The following HAUS1 variants were observed in gnomAD, a reference collection of about 807,000 sequenced individuals.
The protein encoded by HAUS1 is HAUS augmin-like complex subunit 1.
A neutral mutation model predicts 38.6 loss-of-function variants in HAUS1; 25 were observed. That is an observed-to-expected ratio of 0.65 (90% CI 0.47 to 0.91). HAUS1 has a LOEUF of 0.91. Ranked by LOEUF, HAUS1 falls within the 40% of genes least tolerant of loss-of-function variation. HAUS1 has a pLI of 0.00. For missense variants in HAUS1, 325 were observed against 328.4 expected, an observed-to-expected ratio of 0.99 and a Z score of 0.08; for synonymous variants, 109 against 112.9, an observed-to-expected ratio of 0.97 and a Z score of 0.22.
At chr18:46,127,475 G>A (rs182416959) in intron 8 of HAUS1, among the ~76,000 whole-genome samples, 99 of 106,482 alleles carry the variant, frequency 9.3e-4, no homozygotes, top group Admixed American at 1.7e-3. Context: ...GGGAGGCCAA[G>A]TGGGTGGATC....
intron 1 of HAUS1, among the ~76,000 whole-genome samples, chr18:46,104,966 C>G (rs1911419017): frequency 6.6e-6 from 1 of 151,952 alleles, no homozygotes; most frequent in Non-Finnish European, 1.5e-5. Context: ...TGGAAAAGAA[C>G]GGATTGTTCT....
Position 46,122,607 on chromosome 18 carries a change from G to A in HAUS1, c.600+17G>A, listed in dbSNP as rs139389054. On this transcript the variant is annotated intron_variant, in intron 5 of 8. Transcript: ENST00000282058. The stretch of plus-strand genomic sequence containing the variant: ...GCTGCAGAGGTTTGTATGAAGGACC[G>A]AATATAGTTAGCTCTCTTCGGCCTG... The A allele has an allele frequency of 6.2e-5, 100 of 1,613,702 alleles. No homozygotes were observed. The highest frequency in any genetic ancestry group is 3.3e-4 in the Middle Eastern group (2 of 6,060).
At chr18:46,118,391 A>G in intron 3 of HAUS1, 75 bp downstream of exon 3, 2 of 1,415,640 alleles carry the variant, frequency 1.4e-6, no homozygotes, top group Non-Finnish European at 2.0e-6. Context: ...TTCTCAGCAT[A>G]ATTCTATATG....
intron 3 of HAUS1, among the ~76,000 whole-genome samples, 172 bp from the exon 4 acceptor site, chr18:46,119,754 G>A (rs144842063): frequency 3.3e-5 from 5 of 152,088 alleles, no homozygotes; most frequent in Non-Finnish European, 5.9e-5. Flanking sequence ...GAACTTTGCC[G>A]AATGAAGAAG....
chr18:46,128,152 C>T lies in HAUS1; in HGVS notation c.*27C>T. On this transcript the variant is annotated 3_prime_UTR_variant, in exon 9 of 9. Transcript: ENST00000282058. Reference sequence around the variant, plus strand: ...AAAAGCCAAATAAACATCCTTTTCCCTAACAAAGTAAATTGAATAGGACTT... The same window carrying T: ...AAAAGCCAAATAAACATCCTTTTCCTTAACAAAGTAAATTGAATAGGACTT... The T allele has an allele frequency of 6.7e-7, 1 of 1,490,260 alleles. No individual in the cohort carries two copies. Among genetic ancestry groups the T allele is most frequent in the East Asian group, 2.3e-5 (1 of 43,562 alleles). 92.3% of individuals were successfully genotyped at this position (1,490,260 alleles called of 1,614,324 possible).
chr18:46,124,759 G>A, intron 6 of HAUS1, 63 bp from the exon 7 acceptor site: 1 of 807,826 alleles, frequency 1.2e-6, no homozygotes, highest in Non-Finnish European at 2.1e-6. Flanking sequence ...TTTCAGAAAT[G>A]GACAGTATTA....
chr18:46,116,349 C>T (rs1437825396), intron 2 of HAUS1, among the ~76,000 whole-genome samples: 3 of 151,324 alleles, frequency 2.0e-5, no homozygotes, highest in Admixed American at 6.6e-5. Context: ...ACTGCTTGAG[C>T]CCAGGAGTTT....
chr18:46,122,639 T>A, intron 5 of HAUS1, 49 bp downstream of exon 5: 1 of 1,603,614 alleles, frequency 6.2e-7, no homozygotes, highest in South Asian at 1.1e-5. Context: ...CCTGATTTTT[T>A]ACCATCATCC....
chr18:46,105,784 T>C lies in HAUS1; in HGVS notation c.205+416T>C, dbSNP rs543594693. On this transcript the variant is annotated intron_variant, in intron 2 of 8. Coordinates refer to ENST00000282058, the MANE Select transcript of HAUS1 (RefSeq NM_138443.4). ...TTAGTAAAGACAGGGTTTCACAATA[T>C]TGGCCAGGCTGGTCTCGAACTCCTG... 9.6e-4 allele frequency among the ~76,000 whole-genome samples: 146 copies of C among 152,030 alleles called. 1 individual carries two copies. The highest frequency in any genetic ancestry group is 1.8e-3 in the Non-Finnish European group (121 of 68,028).
At chr18:46,115,202 G>A (rs1254798998) in intron 2 of HAUS1, 1 of 152,238 alleles carries the variant, frequency 6.6e-6, no homozygotes, top group Admixed American at 6.5e-5. Context: ...CAGGCACGGT[G>A]TAATCCCAGC....
At position 46,112,951 on chromosome 18, in the gene HAUS1, ATATATAATATG is replaced by A. The variant is rs1357762596; in HGVS notation, c.206-5223_206-5213del. On this transcript the variant is annotated intron_variant, in intron 2 of 8. Coordinates refer to ENST00000282058, the MANE Select transcript of HAUS1 (RefSeq NM_138443.4). The stretch of plus-strand genomic sequence containing the variant: ...ATATATTCCATATAATATATATAAT[ATATATAATATG>A]TATATATTCCATATTATATATATAA... Among the ~76,000 whole-genome samples, 41 of 110,926 alleles carry A rather than the reference ATATATAATATG, an allele frequency of 3.7e-4. 3 individuals are homozygous for A. The highest frequency in any genetic ancestry group is 1.6e-3 in the African/African-American group (41 of 25,012). 72.8% of individuals were successfully genotyped at this position (110,926 alleles called of 152,430 possible). A position where few individuals can be genotyped will look rare whatever the true frequency, so the allele number is the denominator to read the frequency against.
At chr18:46,107,664 C>T (rs143955201) in intron 2 of HAUS1, among the ~76,000 whole-genome samples, 1 of 152,260 alleles carries the variant, frequency 6.6e-6, no homozygotes, top group East Asian at 1.9e-4. Flanking sequence ...CCTCCATTTG[C>T]GATTCTAAAA....
rs751752301 is a variant in HAUS1 at position 46,105,207 on chromosome 18, T to TA, written c.52dup (p.Ile18AsnfsTer11). ...TTTAATGGTTAGGTTGCTGCGTGGT[T>TA]AAAAAAAATATTTGGAGATCATCCT... is the stretch of plus-strand genomic sequence containing the variant. On this transcript the variant is annotated frameshift_variant, in exon 2 of 9. Coordinates refer to ENST00000282058, the MANE Select transcript of HAUS1 (RefSeq NM_138443.4). LOFTEE classifies it high-confidence loss of function. The TA allele has an allele frequency of 9.3e-6, 15 of 1,604,906 alleles. No homozygotes were observed. The highest frequency in any genetic ancestry group is 3.3e-5 in the South Asian group (3 of 90,010).
In HAUS1 at chr18:46,128,141, C is replaced by T. The variant is rs1355721714; in HGVS notation, c.*16C>T. Reference sequence around the variant, plus strand: ...GGAACTGTGACAAAAGCCAAATAAACATCCTTTTCCCTAACAAAGTAAATT... The same window carrying T: ...GGAACTGTGACAAAAGCCAAATAAATATCCTTTTCCCTAACAAAGTAAATT... On this transcript the variant is annotated 3_prime_UTR_variant, in exon 9 of 9. Coordinates refer to ENST00000282058, the MANE Select transcript of HAUS1 (RefSeq NM_138443.4). The T allele has an allele frequency of 6.5e-7, 1 of 1,543,840 alleles. No homozygotes were observed. The highest frequency in any genetic ancestry group is 1.2e-5 in the South Asian group (1 of 83,662).
chr18:46,112,948 A>T (rs866233644), intron 2 of HAUS1, among the ~76,000 whole-genome samples: 1 of 95,200 alleles, frequency 1.1e-5, no homozygotes, highest in Non-Finnish European at 2.0e-5. Flanking sequence ...TAATATATAT[A>T]ATATATATAA....
intron 2 of HAUS1, chr18:46,115,061 TC>T (rs1283832552): frequency 1.3e-5 from 2 of 152,090 alleles, no homozygotes; most frequent in Non-Finnish European, 2.9e-5. Flanking sequence ...ACAAGACAAT[TC>T]AACGGAGAAA....
chr18:46,110,348 T>TTTTG (rs1173284553), intron 2 of HAUS1, among the ~76,000 whole-genome samples: 2 of 133,292 alleles, frequency 1.5e-5, no homozygotes, highest in African/African-American at 5.6e-5. Context: ...TTTTTTTTTT[T>TTTTG]TTTTTTTTTT....
rs763571422 is a variant in HAUS1, at chr18:46,124,922, T to C, written c.738+29T>C. On this transcript the variant is annotated intron_variant, in intron 7 of 8. Transcript: ENST00000282058. ...ATAATTTTCGCGAATTAAAAAACAA[T>C]TATTTCCTCCAACCTTCCCTGAGGG... 2.4e-6 allele frequency: 3 copies of C among 1,257,934 alleles called. No individual in the cohort carries two copies. In the African/African-American group the frequency reaches 4.4e-5, roughly 19 times the overall value. The allele number at this position is 1,257,934 out of a possible 1,614,324, so 77.9% of individuals were successfully genotyped here. A position where few individuals can be genotyped will look rare whatever the true frequency, so the allele number is the denominator to read the frequency against.
intron 2 of HAUS1, among the ~76,000 whole-genome samples, chr18:46,106,274 T>G (rs1911478125): frequency 6.6e-6 from 1 of 151,736 alleles, no homozygotes; most frequent in Non-Finnish European, 1.5e-5. Flanking sequence ...ATCAAGACCA[T>G]CCTGGCTAAC....
Sources: allele counts gnomAD v4.1 joint callset (sites outside exome capture counted in the v4.1 genomes callset), GRCh38; gene constraint gnomAD v4.1.1; transcripts MANE v1.5; gene names NCBI Gene and HGNC (gene_info 2026-07-23, HGNC 2026-07-21).